ASXL3: variants seen among roughly 807,000 people sequenced by gnomAD.
The protein encoded by ASXL3 is putative Polycomb group protein ASXL3.
ASXL3 carries 34 observed loss-of-function variants against 170.6 expected under a neutral mutation model. The observed-to-expected ratio is 0.20, with a 90% CI of 0.15 to 0.27. ASXL3 has a LOEUF of 0.27. Among genes scored for constraint, ASXL3 ranks in the 10% least tolerant of loss-of-function variants. ASXL3 has a pLI of 1.00. For synonymous variants in ASXL3, 1,002 were observed against 989.1 expected (o/e 1.01, Z -0.24); for missense variants, 2,592 against 2,695.3 (o/e 0.96, Z 0.85).
At chr18:33,595,288 A>G (rs944342209) in intron 1 of ASXL3, among the ~76,000 whole-genome samples, 4 of 152,180 alleles carry the variant, frequency 2.6e-5, no homozygotes, top group African/African-American at 7.2e-5. Flanking sequence ...TAACAAAGAA[A>G]TACACCCTGC....
chr18:33,727,712 GAATA>G (rs2067374033), intron 8 of ASXL3, among the ~76,000 whole-genome samples: 1 of 152,028 alleles, frequency 6.6e-6, no homozygotes, highest in South Asian at 2.1e-4. Flanking sequence ...ACTAACTTAG[GAATA>G]AATAAATCTT....
chr18:33,746,196 G>A lies in ASXL3; in HGVS notation c.6348G>A (p.Ala2116=), dbSNP rs2067788276. The A allele has an allele frequency of 6.2e-7, 1 of 1,613,812 alleles. No homozygotes were observed. Among genetic ancestry groups the A allele is most frequent in the South Asian group, 1.1e-5 (1 of 91,078 alleles). The change falls in exon 12 of 12, where the codon GCG becomes GCA. Residue 2116 remains alanine (A), a synonymous_variant. Transcript: ENST00000269197. ...TGAAAGAACAGTTAAAAGCATTCGCGCTAAAAAGTGCAGATTTCTCTTCCT... is the reference window on the plus strand; with the variant it reads ...TGAAAGAACAGTTAAAAGCATTCGCACTAAAAAGTGCAGATTTCTCTTCCT... The part of the protein sequence containing the change: ...NEMKEQLKAF[A]LKSADFSSYL...
intron 7 of ASXL3, among the ~76,000 whole-genome samples, chr18:33,677,001 A>G (rs1267025542): frequency 6.6e-6 from 1 of 152,212 alleles, no homozygotes; most frequent in Non-Finnish European, 1.5e-5. Context: ...ATTCAAGGTC[A>G]TTGACCTAAA....
At chr18:33,636,318 C>A (rs1226080621) in intron 2 of ASXL3, among the ~76,000 whole-genome samples, 1 of 91,898 alleles carries the variant, frequency 1.1e-5, no homozygotes, top group Non-Finnish European at 2.4e-5. Flanking sequence ...ACAACAACAA[C>A]AACAACAACA....
intron 2 of ASXL3, among the ~76,000 whole-genome samples, chr18:33,624,495 C>G (rs887248851): frequency 6.6e-6 from 1 of 151,972 alleles, no homozygotes; most frequent in Admixed American, 6.6e-5. Context: ...TATTTTCATA[C>G]TTAGGTCACT....
chr18:33,727,509 TAA>T (rs1399326439), intron 8 of ASXL3, among the ~76,000 whole-genome samples: 1 of 152,176 alleles, frequency 6.6e-6, no homozygotes, highest in Non-Finnish European at 1.5e-5. Context: ...TAAACCTTTA[TAA>T]AAGTATCTCT....
chr18:33,692,438 A>G (rs117914719), intron 8 of ASXL3, among the ~76,000 whole-genome samples: 1 of 151,996 alleles, frequency 6.6e-6, no homozygotes, highest in South Asian at 2.1e-4. Flanking sequence ...GCTTCCTACT[A>G]TCTCTGCAGG....
At chr18:33,602,716 G>A (rs2065196909) in intron 1 of ASXL3, among the ~76,000 whole-genome samples, 1 of 152,042 alleles carries the variant, frequency 6.6e-6, no homozygotes, top group Non-Finnish European at 1.5e-5. Context: ...CTAGTCACTA[G>A]CCTAATGGCC....
chr18:33,634,200 T>G (rs2065730797), intron 2 of ASXL3, among the ~76,000 whole-genome samples: 1 of 152,126 alleles, frequency 6.6e-6, no homozygotes, highest in Admixed American at 6.6e-5. Flanking sequence ...CTGACAAAAT[T>G]AGAGAAGAGT....
chr18:33,745,800 A>G lies in ASXL3; in HGVS notation c.5952A>G (p.Leu1984=), dbSNP rs568541286. Reference sequence around the variant, plus strand: ...GTCTTTCCTCAGCACCTCACCAGCTAAGGTTAGCCAACATGTTATCCCCCA... The same window carrying G: ...GTCTTTCCTCAGCACCTCACCAGCTGAGGTTAGCCAACATGTTATCCCCCA... ...EVSLSSAPHQ[L]RLANMLSPNM... The change falls in exon 12 of 12, where the codon CTA becomes CTG. Residue 1984 remains leucine (L), a synonymous_variant. Coordinates refer to ENST00000269197, the MANE Select transcript of ASXL3 (RefSeq NM_030632.3). The G allele has an allele frequency of 3.7e-5, 59 of 1,613,886 alleles. No individual in the cohort carries two copies. The highest frequency in any genetic ancestry group is 4.9e-5 in the Non-Finnish European group (58 of 1,179,896).
At chr18:33,681,053 A>G (rs2066506123) in intron 7 of ASXL3, among the ~76,000 whole-genome samples, 1 of 151,534 alleles carries the variant, frequency 6.6e-6, no homozygotes, top group Non-Finnish European at 1.5e-5. Context: ...TTTTCTTCCA[A>G]TAGCTACTTC....
intron 2 of ASXL3, among the ~76,000 whole-genome samples, chr18:33,643,257 T>TGGAATTTATTC (rs2065872123): frequency 6.6e-6 from 1 of 151,894 alleles, no homozygotes; most frequent in African/African-American, 2.4e-5. Context: ...ATAATTTATT[T>TGGAATTTATTC]GGAATTTATT....
intron 1 of ASXL3, among the ~76,000 whole-genome samples, chr18:33,602,440 G>T (rs2065194125): frequency 6.6e-6 from 1 of 152,164 alleles, no homozygotes; most frequent in Non-Finnish European, 1.5e-5. Context: ...ATTTGCTGAG[G>T]TGCTGTCACT....
At position 33,744,260 on chromosome 18, in the gene ASXL3, G is replaced by C; in HGVS notation, c.4412G>C (p.Cys1471Ser). The change falls in exon 12 of 12, where the codon TGT (cysteine) becomes TCT (serine). Residue 1471 changes from cysteine (C) to serine (S), a missense_variant. This residue lies in a region of ASXL3 where 2,246 missense variants were observed against 2,219.6 expected (regional missense o/e 1.01). Transcript: ENST00000269197. ...APAAINRSIP[C>S]KVIVDHSTTL... ...GCAGCCATAAACCGATCAATTCCGT[G>C]TAAAGTCATCGTTGACCACAGCACC... is the stretch of plus-strand genomic sequence containing the variant. The C allele has an allele frequency of 6.2e-7, 1 of 1,614,024 alleles. No homozygotes were observed. Among genetic ancestry groups the C allele is most frequent in the Non-Finnish European group, 8.5e-7 (1 of 1,179,900 alleles).
At chr18:33,588,646 C>T (rs904941295) in intron 1 of ASXL3, among the ~76,000 whole-genome samples, 3 of 152,092 alleles carry the variant, frequency 2.0e-5, no homozygotes, top group African/African-American at 7.2e-5. Context: ...GATTAAAATA[C>T]ACATTCAGGA....
Position 33,746,616 on chromosome 18 carries a change from T to C in ASXL3, c.*21T>C, listed in dbSNP as rs1161554656. On this transcript the variant is annotated 3_prime_UTR_variant, in exon 12 of 12. Coordinates refer to ENST00000269197, the MANE Select transcript of ASXL3 (RefSeq NM_030632.3). Reference sequence around the variant, plus strand: ...GATAAGAGCTGAGTGAAAGATGCAGTATCCCTTTTCCACACGGAAAAGCCA... The same window carrying C: ...GATAAGAGCTGAGTGAAAGATGCAGCATCCCTTTTCCACACGGAAAAGCCA... 6.5e-7 allele frequency: 1 copy of C among 1,545,536 alleles called. No individual in the cohort carries two copies. Among genetic ancestry groups the C allele is most frequent in the East Asian group, 2.3e-5 (1 of 43,984 alleles).
intron 8 of ASXL3, among the ~76,000 whole-genome samples, chr18:33,706,457 A>G (rs983559804): frequency 2.0e-5 from 3 of 151,878 alleles, no homozygotes; most frequent in African/African-American, 7.2e-5. Flanking sequence ...CAAAATAATT[A>G]CACCAGTTCA....
In ASXL3 at chr18:33,578,548, C is replaced by G. The variant is rs1454913913; in HGVS notation, c.-84C>G. 1.2e-6 allele frequency: 1 copy of G among 852,740 alleles called. No individual in the cohort carries two copies. The highest frequency in any genetic ancestry group is 1.5e-6 in the Non-Finnish European group (1 of 649,546). 52.8% of individuals were successfully genotyped at this position (852,740 alleles called of 1,614,324 possible). On this transcript the variant is annotated 5_prime_UTR_variant, in exon 1 of 12. Transcript: ENST00000269197. ...GGAGCGAGTGCGGGTCACCGGGTCA[C>G]TGGGTCATTGTCTCCGCGCCCGAAC...
intron 8 of ASXL3, among the ~76,000 whole-genome samples, chr18:33,686,990 T>A (rs1189565490): frequency 6.6e-6 from 1 of 152,064 alleles, no homozygotes; most frequent in Admixed American, 6.6e-5. Flanking sequence ...ATGAGATAAA[T>A]GTTTGACCTT....
Sources: gnomAD v4.1 joint callset for allele counts (sites outside exome capture counted in the v4.1 genomes callset) on GRCh38, gnomAD v4.1.1 for gene constraint, gnomAD v4.1.1 regional missense constraint, MANE v1.5 for transcripts, NCBI Gene and HGNC (gene_info 2026-07-23, HGNC 2026-07-21) for gene names.